CACNB2: variants seen among roughly 807,000 people sequenced by gnomAD.
CACNB2 encodes the protein voltage-dependent L-type calcium channel subunit beta-2.
In CACNB2, 42 loss-of-function variants were observed where a neutral mutation model predicts 73.3. The ratio of observed to expected loss-of-function variants is 0.57; its 90% confidence interval spans 0.45 to 0.74. The LOEUF (loss-of-function observed/expected upper bound fraction) is 0.74, where lower values mean the gene tolerates loss of function less well. Among genes scored for constraint, CACNB2 ranks in the 30% least tolerant of loss-of-function variants. The pLI is 0.00. For missense variants in CACNB2, 940 were observed against 853.0 expected, an observed-to-expected ratio of 1.10 and a Z score of -1.27; for synonymous variants, 348 against 310.3, an observed-to-expected ratio of 1.12 and a Z score of -1.28.
At chr10:18,310,565 A>G (rs1483545855) in intron 2 of CACNB2, among the ~76,000 whole-genome samples, 1 of 132,122 alleles carries the variant, frequency 7.6e-6, no homozygotes, top group East Asian at 2.5e-4. Flanking sequence ...AGATCATGCC[A>G]TTGCACTCCA....
chr10:18,477,944 G>A (rs908596458), intron 3 of CACNB2, among the ~76,000 whole-genome samples: 11 of 151,924 alleles, frequency 7.2e-5, no homozygotes, highest in Admixed American at 2.0e-4. Flanking sequence ...TTGTTTGTTC[G>A]TTTGTTTGAG....
intron 2 of CACNB2, among the ~76,000 whole-genome samples, chr10:18,300,803 C>G (rs901454411): frequency 6.6e-6 from 1 of 152,042 alleles, no homozygotes; most frequent in Non-Finnish European, 1.5e-5. Context: ...GAACTGAGAT[C>G]GTGCCACTGC....
chr10:18,415,032 G>A (rs2044864469), intron 3 of CACNB2, among the ~76,000 whole-genome samples: 1 of 152,196 alleles, frequency 6.6e-6, no homozygotes, highest in South Asian at 2.1e-4. Context: ...TTGATGAGTG[G>A]TATCATGCTA....
Position 18,542,668 on chromosome 10 carries a change from C to T in CACNB2, c.*2944C>T, listed in dbSNP as rs1005649338. ...AGCTTGAAGGATTTGACATAAGAGC[C>T]GCTATATGTGAAAAACTGTATAGTG... On this transcript the variant is annotated 3_prime_UTR_variant, in exon 14 of 14. Transcript: ENST00000324631. 2.0e-5 allele frequency: 3 copies of T among 152,114 alleles called. No individual in the cohort carries two copies. Among genetic ancestry groups the T allele is most frequent in the Admixed American group, 6.5e-5 (1 of 15,284 alleles). 9.4% of individuals were successfully genotyped at this position (152,114 alleles called of 1,614,324 possible). A position where few individuals can be genotyped will look rare whatever the true frequency, so the allele number is the denominator to read the frequency against.
intron 2 of CACNB2, among the ~76,000 whole-genome samples, chr10:18,208,012 C>T (rs2035165251): frequency 6.6e-6 from 1 of 152,190 alleles, no homozygotes; most frequent in South Asian, 2.1e-4. Flanking sequence ...TCTCAAGTTT[C>T]TATTTAAACC....
intron 2 of CACNB2, among the ~76,000 whole-genome samples, chr10:18,185,881 A>G (rs1218398477): frequency 6.6e-6 from 1 of 152,140 alleles, no homozygotes; most frequent in Admixed American, 6.6e-5. Context: ...TGACATGCTG[A>G]TGGTGCCAAC....
At chr10:18,438,534 C>A (rs956573177) in intron 3 of CACNB2, among the ~76,000 whole-genome samples, 1 of 152,190 alleles carries the variant, frequency 6.6e-6, no homozygotes, top group Non-Finnish European at 1.5e-5. Flanking sequence ...CCCTCACCAC[C>A]TGTGCTCTGC....
intron 2 of CACNB2, among the ~76,000 whole-genome samples, chr10:18,321,369 A>C (rs1296935238): frequency 6.6e-6 from 1 of 152,208 alleles, no homozygotes; most frequent in East Asian, 1.9e-4. Context: ...AGTACTTAGA[A>C]AATTTAATTT....
At chr10:18,173,721 T>A (rs1044441128) in intron 2 of CACNB2, among the ~76,000 whole-genome samples, 1 of 152,238 alleles carries the variant, frequency 6.6e-6, no homozygotes, top group Non-Finnish European at 1.5e-5. Flanking sequence ...CCTTTTAGTA[T>A]GATATGTTTT....
intron 2 of CACNB2, among the ~76,000 whole-genome samples, chr10:18,361,742 A>C (rs978861850): frequency 6.6e-6 from 1 of 151,456 alleles, no homozygotes; most frequent in African/African-American, 2.4e-5. Context: ...CCTCCTGAAT[A>C]GCGGGGATTA....
chr10:18,314,356 G>A (rs943965699), intron 2 of CACNB2, among the ~76,000 whole-genome samples: 5 of 152,116 alleles, frequency 3.3e-5, no homozygotes, highest in African/African-American at 1.2e-4. Flanking sequence ...TTTGGATAAG[G>A]AGATTACAAA....
intron 2 of CACNB2, among the ~76,000 whole-genome samples, chr10:18,209,372 A>G (rs1588705183): frequency 6.6e-6 from 1 of 152,314 alleles, no homozygotes; most frequent in South Asian, 2.1e-4. Flanking sequence ...CAAGAAAGGT[A>G]TTCTCTTAAC....
At chr10:18,233,486 C>G (rs1260378955) in intron 2 of CACNB2, among the ~76,000 whole-genome samples, 1 of 151,118 alleles carries the variant, frequency 6.6e-6, no homozygotes, top group African/African-American at 2.4e-5. Flanking sequence ...AGCTAGGTTT[C>G]TTTTTGTTAG....
At chr10:18,161,797 T>C (rs981693137) in intron 2 of CACNB2, among the ~76,000 whole-genome samples, 6 of 151,976 alleles carry the variant, frequency 3.9e-5, no homozygotes, top group Non-Finnish European at 5.9e-5. Context: ...GGCATGGTGG[T>C]GGGCACCTGT....
chr10:18,470,591 A>C (rs2048133143), intron 3 of CACNB2, among the ~76,000 whole-genome samples: 1 of 151,946 alleles, frequency 6.6e-6, no homozygotes, highest in Admixed American at 6.6e-5. Flanking sequence ...TTCTATCTAA[A>C]CCTGCTTCAG....
intron 3 of CACNB2, among the ~76,000 whole-genome samples, chr10:18,426,660 C>A (rs6482409): frequency 1.3e-5 from 2 of 151,952 alleles, no homozygotes; most frequent in East Asian, 1.9e-4. Context: ...GGCAACCTGG[C>A]GAGAATGTGT....
chr10:18,511,503 T>C (rs1249916058), intron 6 of CACNB2, among the ~76,000 whole-genome samples: 1 of 152,248 alleles, frequency 6.6e-6, no homozygotes, highest in Non-Finnish European at 1.5e-5. Context: ...TCAGCTTGTG[T>C]ATCCCAGGGA....
Position 18,401,920 on chromosome 10 carries a change from C to G in CACNB2, c.214-4C>G. The G allele has an allele frequency of 6.2e-7, 1 of 1,613,918 alleles. No homozygotes were observed. The highest frequency in any genetic ancestry group is 8.5e-7 in the Non-Finnish European group (1 of 1,179,836). On this transcript the variant is annotated splice_region_variant and splice_polypyrimidine_tract_variant and intron_variant, in intron 2 of 13. Transcript: ENST00000324631. The stretch of plus-strand genomic sequence containing the variant: ...TACTTTAAAATGTACATTTTCCTCT[C>G]CAGGGTTCGGCAGACTCCTACACTA...
intron 3 of CACNB2, among the ~76,000 whole-genome samples, chr10:18,470,445 ATATT>A (rs2048124032): frequency 6.7e-6 from 1 of 150,372 alleles, no homozygotes; most frequent in South Asian, 2.1e-4. Context: ...TATGTGGTAT[ATATT>A]ATATAGAGAC....
Sources: allele counts gnomAD v4.1 joint callset (sites outside exome capture counted in the v4.1 genomes callset), GRCh38; gene constraint gnomAD v4.1.1; transcripts MANE v1.5; gene names NCBI Gene and HGNC (gene_info 2026-07-23, HGNC 2026-07-21).